The following TMEM38B variants were observed in gnomAD, a reference collection of about 807,000 sequenced individuals.
The protein encoded by TMEM38B is trimeric intracellular cation channel type B.
In TMEM38B, 24 loss-of-function variants were observed where a neutral mutation model predicts 28.7. The observed-to-expected ratio is 0.84, with a 90% CI of 0.61 to 1.18. The LOEUF (loss-of-function observed/expected upper bound fraction) is 1.18. Ranked by LOEUF, TMEM38B falls within the 50% of genes most tolerant of loss-of-function variation. The pLI is 0.00. For synonymous variants in TMEM38B, 131 were observed against 127.7 expected (o/e 1.03, Z -0.17); for missense variants, 380 against 350.9 (o/e 1.08, Z -0.66).
At chr9:105,769,032 G>T (rs753026925) in intron 5 of TMEM38B, among the ~76,000 whole-genome samples, 36 of 152,162 alleles carry the variant, frequency 2.4e-4, no homozygotes, top group Non-Finnish European at 4.9e-4. Context: ...TGTGGACAAA[G>T]TCAAAATATA....
chr9:105,720,130 CAGAT>C (rs1402940671), intron 2 of TMEM38B, among the ~76,000 whole-genome samples: 3 of 151,994 alleles, frequency 2.0e-5, no homozygotes, highest in Non-Finnish European at 4.4e-5. Context: ...TTACTACTCT[CAGAT>C]AGTTTATTCT....
intron 2 of TMEM38B, among the ~76,000 whole-genome samples, chr9:105,714,131 C>T (rs886226025): frequency 2.7e-5 from 4 of 148,756 alleles, no homozygotes; most frequent in African/African-American, 1.0e-4. Flanking sequence ...CTACAAACCG[C>T]AGAGAGGAGC....
At chr9:105,719,701 A>G (rs556215334) in intron 2 of TMEM38B, among the ~76,000 whole-genome samples, 5 of 152,280 alleles carry the variant, frequency 3.3e-5, no homozygotes, top group African/African-American at 1.2e-4. Flanking sequence ...TTATACTATA[A>G]TGTCACATAG....
chr9:105,756,138 G>T (rs1477591604), intron 5 of TMEM38B, among the ~76,000 whole-genome samples: 1 of 152,178 alleles, frequency 6.6e-6, no homozygotes, highest in Non-Finnish European at 1.5e-5. Context: ...AACAGAGCCA[G>T]ACTCTGTCTC....
At chr9:105,746,782 C>T (rs1837414234) in intron 4 of TMEM38B, among the ~76,000 whole-genome samples, 1 of 152,156 alleles carries the variant, frequency 6.6e-6, no homozygotes, top group Non-Finnish European at 1.5e-5. Flanking sequence ...AAGTTATTAG[C>T]ATGAAGGGCT....
intron 5 of TMEM38B, chr9:105,758,822 A>G: frequency 3.3e-6 from 3 of 916,504 alleles, no homozygotes; most frequent in Non-Finnish European, 5.4e-6. Context: ...TAAAGCATGA[A>G]ATAATCAATG....
At chr9:105,708,865 T>TA (rs1554774586) in intron 2 of TMEM38B, among the ~76,000 whole-genome samples, 1 of 151,924 alleles carries the variant, frequency 6.6e-6, no homozygotes, top group Non-Finnish European at 1.5e-5. Flanking sequence ...TTTTTTTTTT[T>TA]ATGTTGCTCT....
intron 4 of TMEM38B, among the ~76,000 whole-genome samples, chr9:105,725,433 T>C (rs941686504): frequency 1.3e-5 from 2 of 150,900 alleles, no homozygotes; most frequent in East Asian, 3.9e-4. Context: ...GTGAGATAGA[T>C]CACTGGTTCA....
intron 3 of TMEM38B, among the ~76,000 whole-genome samples, chr9:105,722,237 G>A (rs912433724): frequency 9.9e-5 from 15 of 152,128 alleles, no homozygotes; most frequent in Middle Eastern, 3.4e-3. Context: ...GAAACCGGTC[G>A]TATCAGGAAA....
chr9:105,731,889 TC>T lies in TMEM38B; in HGVS notation c.542+9270del, dbSNP rs959409131. Reference sequence around the variant, plus strand: ...TCCCTGAGGAATCGCCACACTGTCTTCCACAATGGTTGAACTAGTTTACAGT... The same window carrying T: ...TCCCTGAGGAATCGCCACACTGTCTTCACAATGGTTGAACTAGTTTACAGT... On this transcript the variant is annotated intron_variant, in intron 4 of 5. Transcript: ENST00000374692. 4.1e-4 allele frequency among the ~76,000 whole-genome samples: 62 copies of T among 152,324 alleles called. 1 individual carries two copies. Among genetic ancestry groups the T allele is most frequent in the South Asian group, 1.4e-3 (7 of 4,828 alleles).
intron 4 of TMEM38B, among the ~76,000 whole-genome samples, chr9:105,729,043 T>C (rs192054547): frequency 2.2e-3 from 338 of 152,334 alleles, no homozygotes; most frequent in African/African-American, 7.8e-3. Context: ...CTGTTCACTC[T>C]GATGGTAGTT....
intron 5 of TMEM38B, among the ~76,000 whole-genome samples, chr9:105,771,945 C>T (rs2133657226): frequency 6.6e-6 from 1 of 152,340 alleles, no homozygotes; most frequent in African/African-American, 2.4e-5. Flanking sequence ...GCAGGGATTA[C>T]ATTCAACATC....
intron 4 of TMEM38B, among the ~76,000 whole-genome samples, chr9:105,732,849 G>T (rs1836809817): frequency 6.6e-6 from 1 of 152,162 alleles, no homozygotes. Context: ...TGTGGAGAAA[G>T]TCATTGGTAG....
chr9:105,704,115 G>A (rs1835557527), intron 1 of TMEM38B, among the ~76,000 whole-genome samples: 1 of 151,914 alleles, frequency 6.6e-6, no homozygotes, highest in Admixed American at 6.6e-5. Context: ...ATAGCATCAG[G>A]CGATATACCT....
chr9:105,705,904 T>A, intron 2 of TMEM38B, 151 bp downstream of exon 2: 11 of 505,390 alleles, frequency 2.2e-5, no homozygotes, highest in Non-Finnish European at 3.0e-6. Flanking sequence ...GCTAAGGGGT[T>A]TTTTTTTTTT....
In TMEM38B at chr9:105,735,177, C is replaced by G. The variant is rs181480609; in HGVS notation, c.542+12556C>G. Among the ~76,000 whole-genome samples the G allele has an allele frequency of 8.5e-5, 13 of 152,240 alleles. No homozygotes were observed. The East Asian group carries it at 2.5e-3, about 29-fold the overall frequency. On this transcript the variant is annotated intron_variant, in intron 4 of 5. Coordinates refer to ENST00000374692, the MANE Select transcript of TMEM38B (RefSeq NM_018112.3). Reference sequence around the variant, plus strand: ...TTAACTTTACTCACATAAAAGTACTCTAGACATTTTCCCTATCCTTAATTT... The same window carrying G: ...TTAACTTTACTCACATAAAAGTACTGTAGACATTTTCCCTATCCTTAATTT...
At chr9:105,757,384 C>G (rs1481237101) in intron 5 of TMEM38B, among the ~76,000 whole-genome samples, 2 of 152,054 alleles carry the variant, frequency 1.3e-5, no homozygotes, top group Non-Finnish European at 2.9e-5. Flanking sequence ...TTGCAAGTGT[C>G]TTTTTCATAT....
intron 5 of TMEM38B, among the ~76,000 whole-genome samples, chr9:105,770,597 A>T (rs1018498715): frequency 6.6e-6 from 1 of 152,078 alleles, no homozygotes; most frequent in Non-Finnish European, 1.5e-5. Context: ...TGAATCATTC[A>T]TGTTAATAAT....
rs567557819 is a variant in TMEM38B at position 105,704,117 on chromosome 9, G to C, written c.113-1480G>C. On this transcript the variant is annotated intron_variant, in intron 1 of 5. Transcript: ENST00000374692. Reference sequence around the variant, plus strand: ...GGAGGGGGGAGGGATAGCATCAGGCGATATACCTAATGCTAGATGACGAGT... The same window carrying C: ...GGAGGGGGGAGGGATAGCATCAGGCCATATACCTAATGCTAGATGACGAGT... 1.3e-4 allele frequency among the ~76,000 whole-genome samples: 19 copies of C among 151,968 alleles called. No homozygotes were observed. The South Asian group carries it at 3.9e-3, about 32-fold the overall frequency.
Sources: gnomAD v4.1 joint callset for allele counts (sites outside exome capture counted in the v4.1 genomes callset) on GRCh38, gnomAD v4.1.1 for gene constraint, MANE v1.5 for transcripts, NCBI Gene and HGNC (gene_info 2026-07-23, HGNC 2026-07-21) for gene names.